PARN: variants seen among roughly 807,000 people sequenced by gnomAD.
The protein encoded by PARN is poly(A)-specific ribonuclease.
PARN carries 71 observed loss-of-function variants against 102.8 expected under a neutral mutation model. The observed-to-expected ratio is 0.69, with a 90% confidence interval of 0.57 to 0.84. The LOEUF (loss-of-function observed/expected upper bound fraction) is 0.84. Among genes scored for constraint, PARN ranks in the 40% least tolerant of loss-of-function variants. The probability of loss-of-function intolerance (pLI) is 0.00; values close to 1 mark genes in which losing one functional copy is unlikely to be tolerated. For missense variants in PARN, 782 were observed against 760.9 expected (o/e 1.03, Z -0.33); for synonymous variants, 261 against 252.9 (o/e 1.03, Z -0.30).
At chr16:14,457,540 C>T (rs1961730957) in intron 22 of PARN, among the ~76,000 whole-genome samples, 1 of 152,076 alleles carries the variant, frequency 6.6e-6, no homozygotes, top group Non-Finnish European at 1.5e-5. Context: ...TGGCTCACAC[C>T]TGTAATCCCT....
chr16:14,608,832 A>C (rs955535147), intron 8 of PARN, among the ~76,000 whole-genome samples: 6 of 152,194 alleles, frequency 3.9e-5, no homozygotes, highest in Admixed American at 1.3e-4. Context: ...AAGGTTGCAC[A>C]ACAGTTTTCT....
At chr16:14,544,837 G>A (rs1364611288) in intron 21 of PARN, among the ~76,000 whole-genome samples, 2 of 152,078 alleles carry the variant, frequency 1.3e-5, no homozygotes, top group Non-Finnish European at 2.9e-5. Flanking sequence ...AATCACAGGC[G>A]ATTTTAACCC....
At chr16:14,581,021 T>C in intron 17 of PARN, 78 bp from the exon 18 acceptor site, 1 of 786,592 alleles carries the variant, frequency 1.3e-6, no homozygotes, top group Non-Finnish European at 2.2e-6. Flanking sequence ...AAAACAGATT[T>C]AAATTAACAG....
At chr16:14,576,745 T>C (rs891351594) in intron 18 of PARN, among the ~76,000 whole-genome samples, 1 of 152,234 alleles carries the variant, frequency 6.6e-6, no homozygotes, top group African/African-American at 2.4e-5. Flanking sequence ...CTGATTTCCA[T>C]GGCTCAATTC....
intron 22 of PARN, among the ~76,000 whole-genome samples, chr16:14,464,799 T>A (rs111993391): frequency 1.2e-4 from 19 of 152,022 alleles, no homozygotes; most frequent in Admixed American, 4.6e-4. Flanking sequence ...AAGACATTTT[T>A]ATACATACAA....
At chr16:14,546,713 T>G (rs1001940299) in intron 21 of PARN, among the ~76,000 whole-genome samples, 2 of 152,176 alleles carry the variant, frequency 1.3e-5, no homozygotes, top group Non-Finnish European at 2.9e-5. Flanking sequence ...TTCTACTACA[T>G]TTGAAATATT....
intron 6 of PARN, among the ~76,000 whole-genome samples, chr16:14,614,753 CAGG>C (rs1450304186): frequency 7.4e-6 from 1 of 135,638 alleles, no homozygotes; most frequent in African/African-American, 2.8e-5. Context: ...GAGGGTGAGG[CAGG>C]AGAATCACTT....
At chr16:14,609,033 T>C (rs1352462222) in intron 8 of PARN, 25 bp downstream of exon 8, 5 of 1,420,822 alleles carry the variant, frequency 3.5e-6, no homozygotes, top group African/African-American at 2.8e-5. Context: ...AAAAAGGACA[T>C]GCAGAAATGT....
rs117299901 is a variant in PARN, at chr16:14,613,709, T to G, written c.389-2900A>C. On this transcript the variant is annotated intron_variant, in intron 6 of 23. Coordinates refer to ENST00000437198, the MANE Select transcript of PARN (RefSeq NM_002582.4). Reference sequence around the variant, plus strand: ...GAAAACCACCATCAGTCAACGATAATTGCTTAAAGCAAGAACTATCAATAG... The same window carrying G: ...GAAAACCACCATCAGTCAACGATAAGTGCTTAAAGCAAGAACTATCAATAG... 7.3e-3 allele frequency among the ~76,000 whole-genome samples: 1,104 copies of G among 152,268 alleles called. 6 individuals carry two copies. The highest frequency in any genetic ancestry group is 0.012 in the Non-Finnish European group (846 of 68,014).
intron 12 of PARN, among the ~76,000 whole-genome samples, chr16:14,596,930 G>A (rs1468217148): frequency 6.6e-6 from 1 of 152,032 alleles, no homozygotes; most frequent in Non-Finnish European, 1.5e-5. Flanking sequence ...GGGATTACAG[G>A]TGTGTGCCAC....
chr16:14,513,912 G>C (rs1004450058), intron 21 of PARN, among the ~76,000 whole-genome samples: 3 of 152,158 alleles, frequency 2.0e-5, no homozygotes, highest in Non-Finnish European at 4.4e-5. Flanking sequence ...AACTCCATGA[G>C]GGCAGGGCAT....
intron 18 of PARN, among the ~76,000 whole-genome samples, chr16:14,567,202 G>GA (rs1389779042): frequency 1.3e-5 from 2 of 152,130 alleles, no homozygotes; most frequent in Non-Finnish European, 2.9e-5. Flanking sequence ...ATGTGAGGAA[G>GA]AAAAAATGCA....
chr16:14,498,837 A>T (rs936806019), intron 21 of PARN, among the ~76,000 whole-genome samples: 4 of 152,230 alleles, frequency 2.6e-5, no homozygotes, highest in African/African-American at 9.6e-5. Context: ...AAGAATGAGG[A>T]TGTTATTTTT....
intron 21 of PARN, among the ~76,000 whole-genome samples, chr16:14,540,280 G>A (rs1966790101): frequency 6.6e-6 from 1 of 152,132 alleles, no homozygotes; most frequent in Non-Finnish European, 1.5e-5. Flanking sequence ...TCTACATACA[G>A]TTTAAGATTA....
At chr16:14,495,875 G>A (rs896923433) in intron 21 of PARN, among the ~76,000 whole-genome samples, 8 of 152,118 alleles carry the variant, frequency 5.3e-5, no homozygotes, top group East Asian at 1.9e-4. Flanking sequence ...GCAGGAAGTC[G>A]CACCTGGAAG....
chr16:14,490,603 A>T (rs912146398), intron 21 of PARN, among the ~76,000 whole-genome samples: 1 of 152,088 alleles, frequency 6.6e-6, no homozygotes, highest in Non-Finnish European at 1.5e-5. Context: ...GTGTGCCTTA[A>T]TGTCAAAGAC....
chr16:14,517,310 G>C (rs1330453872), intron 21 of PARN, among the ~76,000 whole-genome samples: 1 of 152,212 alleles, frequency 6.6e-6, no homozygotes, highest in Non-Finnish European at 1.5e-5. Context: ...CTGTCTTGCT[G>C]CTGGGAACCC....
Position 14,584,234 on chromosome 16 carries a change from C to G in PARN, c.1081+113G>C. Reference sequence around the variant, plus strand: ...ACACGGTACGTGCAAGTGAATTCAGCCAAAATCTATAAATGAACAATACGG... The same window carrying G: ...ACACGGTACGTGCAAGTGAATTCAGGCAAAATCTATAAATGAACAATACGG... On this transcript the variant is annotated intron_variant, in intron 16 of 23. Coordinates refer to ENST00000437198, the MANE Select transcript of PARN (RefSeq NM_002582.4). 8.4e-6 allele frequency: 6 copies of G among 717,618 alleles called. No individual in the cohort carries two copies. In the South Asian group the frequency reaches 1.1e-4, roughly 13 times the overall value. The allele number at this position is 717,618 out of a possible 1,614,324, so 44.5% of individuals were successfully genotyped here.
At chr16:14,569,138 G>C (rs1405775534) in intron 18 of PARN, among the ~76,000 whole-genome samples, 1 of 151,566 alleles carries the variant, frequency 6.6e-6, no homozygotes, top group Non-Finnish European at 1.5e-5. Context: ...CTAGAGCCTC[G>C]GAGGTGAAGG....
Sources: gnomAD v4.1 joint callset for allele counts (sites outside exome capture counted in the v4.1 genomes callset) on GRCh38, gnomAD v4.1.1 for gene constraint, MANE v1.5 for transcripts, NCBI Gene and HGNC (gene_info 2026-07-23, HGNC 2026-07-21) for gene names.